The following HSPA12A variants were observed in gnomAD, a reference collection of about 807,000 sequenced individuals.
The protein encoded by HSPA12A is heat shock 70 kDa protein 12A.
In HSPA12A, 28 loss-of-function variants were observed where a neutral mutation model predicts 69.2. That is an observed-to-expected ratio of 0.40 (90% CI 0.30 to 0.55). The LOEUF (loss-of-function observed/expected upper bound fraction) is 0.55, where lower values mean the gene tolerates loss of function less well. Among genes scored for constraint, HSPA12A ranks in the 20% least tolerant of loss-of-function variants. HSPA12A has a pLI of 0.38. For synonymous variants in HSPA12A, 345 were observed against 370.5 expected, an observed-to-expected ratio of 0.93 and a Z score of 0.79; for missense variants, 686 against 900.7, an observed-to-expected ratio of 0.76 and a Z score of 3.05.
chr10:116,674,840 C>G lies in HSPA12A; in HGVS notation c.1969G>C (p.Ala657Pro). The G allele has an allele frequency of 6.2e-7, 1 of 1,613,628 alleles. No individual in the cohort carries two copies. The highest frequency in any genetic ancestry group is 8.5e-7 in the Non-Finnish European group (1 of 1,180,022). ...QFGDTEIKAT[A>P]IDIATSKSVK... ...CTCTTCGAAGTGGCTATATCAATGGCTGTGGCTTTGATCTCGGTGTCCCCG... is the reference window on the plus strand; with the variant it reads ...CTCTTCGAAGTGGCTATATCAATGGGTGTGGCTTTGATCTCGGTGTCCCCG... Residue 657 changes from alanine to proline, a missense_variant, in exon 12 of 12, where the codon GCC becomes CCC. Physicochemically the swap from Ala to Pro is conservative, Grantham distance 27. Transcript: ENST00000369209.
At chr10:116,692,588 C>G (rs2240710) in intron 5 of HSPA12A, 121 bp from the exon 6 acceptor site, 356,687 of 710,618 alleles carry the variant, frequency 0.5, 91,080 homozygotes, top group African/African-American at 0.61. Context: ...GTTTCAGGGT[C>G]CCCCAAACTT....
chr10:116,849,186 C>T (rs887445875), intron 1 of HSPA12A, among the ~76,000 whole-genome samples: 1 of 152,190 alleles, frequency 6.6e-6, no homozygotes, highest in Non-Finnish European at 1.5e-5. Context: ...CCACTGGGAC[C>T]CGAGCGCGCG....
intron 3 of HSPA12A, among the ~76,000 whole-genome samples, chr10:116,703,398 G>T (rs1554881832): frequency 6.6e-6 from 1 of 152,042 alleles, no homozygotes; most frequent in Non-Finnish European, 1.5e-5. Context: ...GCAGGGTGTG[G>T]TGGTATGCAC....
At chr10:116,817,208 C>T (rs1414704764) in intron 2 of HSPA12A, among the ~76,000 whole-genome samples, 1 of 151,910 alleles carries the variant, frequency 6.6e-6, no homozygotes, top group East Asian at 1.9e-4. Context: ...AGAACAGAAA[C>T]TTCTACCGCC....
chr10:116,784,767 A>G (rs2133142441), intron 2 of HSPA12A, among the ~76,000 whole-genome samples: 1 of 152,224 alleles, frequency 6.6e-6, no homozygotes, highest in East Asian at 1.9e-4. Context: ...GGGTCAATGA[A>G]TCCCTTCCCT....
At chr10:116,687,600 T>C (rs1448723108) in intron 6 of HSPA12A, among the ~76,000 whole-genome samples, 1 of 152,150 alleles carries the variant, frequency 6.6e-6, no homozygotes, top group Non-Finnish European at 1.5e-5. Context: ...GCTGTCTTTC[T>C]CTCTGGGCAG....
Position 116,674,594 on chromosome 10 carries a change from C to A in HSPA12A, c.*187G>T. 1 of 626,698 alleles carries A rather than the reference C, an allele frequency of 1.6e-6. No homozygotes were observed. Among genetic ancestry groups the A allele is most frequent in the Non-Finnish European group, 2.7e-6 (1 of 364,578 alleles). 38.8% of individuals were successfully genotyped at this position (626,698 alleles called of 1,614,324 possible). A position where few individuals can be genotyped will look rare whatever the true frequency, so the allele number is the denominator to read the frequency against. ...TATGCCTAAACCTTAATCTTAATTT[C>A]TGTTTTTCTGACTCCAGTGTGCCCT... On this transcript the variant is annotated 3_prime_UTR_variant, in exon 12 of 12. Transcript: ENST00000369209.
At chr10:116,687,765 G>A (rs564411131) in intron 6 of HSPA12A, among the ~76,000 whole-genome samples, 3 of 152,172 alleles carry the variant, frequency 2.0e-5, no homozygotes, top group South Asian at 2.1e-4. Context: ...AACACTCTCC[G>A]TCTTTGCTAA....
chr10:116,703,707 G>A (rs935877972), intron 3 of HSPA12A, among the ~76,000 whole-genome samples: 20 of 152,142 alleles, frequency 1.3e-4, no homozygotes, highest in Admixed American at 1.3e-4. Context: ...CCAAAGATTC[G>A]AGGAGTCATA....
intron 2 of HSPA12A, among the ~76,000 whole-genome samples, chr10:116,760,006 CT>C (rs1236643140): frequency 2.6e-5 from 4 of 152,132 alleles, no homozygotes; most frequent in Non-Finnish European, 4.4e-5. Flanking sequence ...ATTAAACCTC[CT>C]TCTTTTGTAA....
chr10:116,826,911 T>A (rs918152215), intron 2 of HSPA12A, among the ~76,000 whole-genome samples: 3 of 152,188 alleles, frequency 2.0e-5, no homozygotes, highest in Non-Finnish European at 2.9e-5. Context: ...GGATACTTAG[T>A]ATTCACATTT....
chr10:116,807,918 C>T lies in HSPA12A; in HGVS notation c.91+27017G>A, dbSNP rs117838200. ...GACTTCATCCTGGGATCTTCCTCAACCCAGCTCTCTAGAAGGCAGGAGGAT... is the reference window on the plus strand; with the variant it reads ...GACTTCATCCTGGGATCTTCCTCAATCCAGCTCTCTAGAAGGCAGGAGGAT... On this transcript the variant is annotated intron_variant, in intron 2 of 12. Transcript: ENST00000635765. Among the ~76,000 whole-genome samples, 78 of 152,316 alleles carry T rather than the reference C, an allele frequency of 5.1e-4. No individual in the cohort carries two copies. In the East Asian group the frequency reaches 0.015, roughly 29 times the overall value.
Position 116,675,285 on chromosome 10 carries a change from C to G in HSPA12A, c.1524G>C (p.Gln508His). ...CCTTGAGGATGGTGAGGCCCACGTC[C>G]TGGGGGATGATGATCCGGCACTGGT... ...FGDQCRIIIP[Q>H]DVGLTILKGA... The change falls in exon 12 of 12, where the codon CAG (glutamine) becomes CAC (histidine). Residue 508 changes from glutamine to histidine, a missense_variant. Gln to His is a conservative substitution (Grantham distance 24, BLOSUM62 0). Coordinates refer to ENST00000369209, the MANE Select transcript of HSPA12A (RefSeq NM_025015.3). This position sits in a 1 kb window ranked among gnomAD's most constrained non-coding sequence, Gnocchi z 5.2. 4 of 1,613,574 alleles carry G rather than the reference C, an allele frequency of 2.5e-6. No individual in the cohort carries two copies. The highest frequency in any genetic ancestry group is 3.4e-6 in the Non-Finnish European group (4 of 1,180,038).
At chr10:116,754,046 G>A (rs150235385) in intron 2 of HSPA12A, among the ~76,000 whole-genome samples, 128 of 152,318 alleles carry the variant, frequency 8.4e-4, no homozygotes, top group African/African-American at 2.6e-3. Context: ...GACACGGGCC[G>A]GGCCTTCCTC....
chr10:116,829,396 A>C (rs1402870340), intron 2 of HSPA12A: 2 of 152,468 alleles, frequency 1.3e-5, no homozygotes, highest in Non-Finnish European at 2.9e-5. Context: ...GCGAGAACAG[A>C]CTAATGGATA....
rs544281356 is a variant in HSPA12A at position 116,762,857 on chromosome 10, T to C, written c.92-55572A>G. 6.6e-5 allele frequency among the ~76,000 whole-genome samples: 10 copies of C among 152,310 alleles called. No individual in the cohort carries two copies. The East Asian group carries it at 1.9e-3, about 29-fold the overall frequency. On this transcript the variant is annotated intron_variant, in intron 2 of 12. Coordinates refer to the HSPA12A transcript ENST00000635765. ...TTCCAGAGTGCTGGGATTACAGGCATGAGCCACCATGCCTGGCCTTCCTCT... is the reference window on the plus strand; with the variant it reads ...TTCCAGAGTGCTGGGATTACAGGCACGAGCCACCATGCCTGGCCTTCCTCT...
intron 2 of HSPA12A, among the ~76,000 whole-genome samples, chr10:116,815,190 T>C (rs77586025): frequency 0.011 from 1,543 of 141,950 alleles, 22 homozygotes; most frequent in African/African-American, 0.035. Flanking sequence ...CTTCCAACTT[T>C]GGGTCACCTA....
rs1407295326 is a variant in HSPA12A at position 116,723,454 on chromosome 10, T to TGG, written c.41-16171_41-16170dup. ...TGAGGACCCCGAATGAGCTGGGTTC[T>TGG]GGGGCAACACCCAGTTCCACCCTCA... is the stretch of plus-strand genomic sequence containing the variant. On this transcript the variant is annotated intron_variant, in intron 1 of 11. Coordinates refer to ENST00000369209, the MANE Select transcript of HSPA12A (RefSeq NM_025015.3). The surrounding 1 kb of genome is among the most constrained non-coding windows in gnomAD (Gnocchi z 4.1). Among the ~76,000 whole-genome samples, 3 of 152,184 alleles carry TGG rather than the reference T, an allele frequency of 2.0e-5. No individual in the cohort carries two copies. Among genetic ancestry groups the TGG allele is most frequent in the Non-Finnish European group, 4.4e-5 (3 of 68,024 alleles).
exon 1 of HSPA12A, chr10:116,849,668 C>A: frequency 5.8e-6 from 9 of 1,550,060 alleles, no homozygotes; most frequent in Non-Finnish European, 7.0e-6. Context: ...ACGTTCCGCG[C>A]AGGCTGGAAG....
Sources: allele counts gnomAD v4.1 joint callset (sites outside exome capture counted in the v4.1 genomes callset), GRCh38; gene constraint gnomAD v4.1.1; non-coding constraint Gnocchi (gnomAD v3.1); transcripts MANE v1.5; gene names NCBI Gene and HGNC (gene_info 2026-07-23, HGNC 2026-07-21).